The following STX8 variants were observed in gnomAD, a reference collection of about 807,000 sequenced individuals.
The protein encoded by STX8 is syntaxin 8, also known as syntaxin-8.
In STX8, 23 loss-of-function variants were observed where a neutral mutation model predicts 37.5. The observed-to-expected ratio is 0.61, with a 90% CI of 0.44 to 0.87. The LOEUF (loss-of-function observed/expected upper bound fraction) is 0.87, where lower values mean the gene tolerates loss of function less well. Ranked by LOEUF, STX8 falls within the 40% of genes least tolerant of loss-of-function variation. The probability of loss-of-function intolerance (pLI) is 0.00; values close to 1 mark genes in which losing one functional copy is unlikely to be tolerated. For synonymous variants in STX8, 115 were observed against 99.1 expected (o/e 1.16, Z -0.95); for missense variants, 313 against 284.7 (o/e 1.10, Z -0.71).
At chr17:9,446,496 G>A (rs1425405447) in intron 6 of STX8, among the ~76,000 whole-genome samples, 1 of 152,176 alleles carries the variant, frequency 6.6e-6, no homozygotes, top group Non-Finnish European at 1.5e-5. Flanking sequence ...AAGAAATTTA[G>A]CCCAGGGGAT....
chr17:9,360,066 C>T lies in STX8; in HGVS notation c.643+18486G>A, dbSNP rs529269404. Among the ~76,000 whole-genome samples, 3 of 151,962 alleles carry T rather than the reference C, an allele frequency of 2.0e-5. No individual in the cohort carries two copies. In the East Asian group the frequency reaches 5.8e-4, roughly 29 times the overall value. ...TGTTTCCTGAGCCTGACATACGGAACAGGATGGCACAATATTTTGAAGATG... is the reference window on the plus strand; with the variant it reads ...TGTTTCCTGAGCCTGACATACGGAATAGGATGGCACAATATTTTGAAGATG... On this transcript the variant is annotated intron_variant, in intron 7 of 7. Transcript: ENST00000306357.
intron 6 of STX8, among the ~76,000 whole-genome samples, chr17:9,433,164 A>T (rs561048322): frequency 6.6e-6 from 1 of 152,208 alleles, no homozygotes; most frequent in African/African-American, 2.4e-5. Context: ...TGCACTCCTA[A>T]GATTTATTCT....
intron 6 of STX8, among the ~76,000 whole-genome samples, chr17:9,460,687 AAC>A (rs1491067159): frequency 5.7e-5 from 8 of 140,822 alleles, no homozygotes; most frequent in Admixed American, 6.9e-5. Context: ...AAAAAAAAAA[AAC>A]AAAACAAAAC....
chr17:9,425,057 G>C (rs1024076962), intron 6 of STX8, among the ~76,000 whole-genome samples: 1 of 152,202 alleles, frequency 6.6e-6, no homozygotes, highest in African/African-American at 2.4e-5. Flanking sequence ...ACTGATGAAT[G>C]ACCAGGATTT....
intron 7 of STX8, among the ~76,000 whole-genome samples, chr17:9,288,538 T>C (rs1207040827): frequency 4.6e-5 from 7 of 152,036 alleles, no homozygotes; most frequent in Non-Finnish European, 1.0e-4. Flanking sequence ...GGCAGGCGCC[T>C]GTAGTCCCAG....
intron 6 of STX8, among the ~76,000 whole-genome samples, chr17:9,463,609 T>C (rs537335483): frequency 6.6e-6 from 1 of 152,108 alleles, no homozygotes; most frequent in East Asian, 1.9e-4. Flanking sequence ...CCGTCTCTAC[T>C]AAAAATACAA....
intron 3 of STX8, among the ~76,000 whole-genome samples, chr17:9,545,593 A>G (rs1478323783): frequency 1.3e-5 from 2 of 151,962 alleles, no homozygotes; most frequent in Non-Finnish European, 2.9e-5. Context: ...TTATTTACTT[A>G]TTTTTGAGAC....
chr17:9,424,219 C>G, intron 6 of STX8, among the ~76,000 whole-genome samples: 1 of 152,106 alleles, frequency 6.6e-6, no homozygotes. Context: ...AAGAGAATAA[C>G]AGCAGGGTGG....
intron 7 of STX8, among the ~76,000 whole-genome samples, chr17:9,311,785 G>C (rs771574781): frequency 2.0e-5 from 3 of 152,148 alleles, no homozygotes; most frequent in African/African-American, 7.2e-5. Context: ...ATACATCGAA[G>C]TACTTGAAAC....
At chr17:9,429,981 A>AATATATT (rs1164395192) in intron 6 of STX8, among the ~76,000 whole-genome samples, 8,642 of 8,862 alleles carry the variant, frequency 0.98, 4,220 homozygotes, top group Middle Eastern at 1. Context: ...TATTATATAG[A>AATATATT]ATATATTATA....
intron 6 of STX8, among the ~76,000 whole-genome samples, chr17:9,481,830 T>C (rs1166393957): frequency 1.3e-5 from 2 of 152,134 alleles, no homozygotes; most frequent in Admixed American, 1.3e-4. Context: ...GAACTGTGCA[T>C]GCGAGGGATC....
At chr17:9,481,515 T>C (rs1019725417) in intron 6 of STX8, among the ~76,000 whole-genome samples, 1 of 152,174 alleles carries the variant, frequency 6.6e-6, no homozygotes, top group Admixed American at 6.5e-5. Context: ...TGGAGGGCAT[T>C]GTTTCAATAG....
In STX8 at chr17:9,425,542, G is replaced by A. The variant is rs1161625024; in HGVS notation, c.542-46889C>T. 3.3e-5 allele frequency among the ~76,000 whole-genome samples: 5 copies of A among 152,268 alleles called. No homozygotes were observed. In the East Asian group the frequency reaches 9.6e-4, roughly 29 times the overall value. ...AATCGCTACCAGCTATTGAGCTACTGAGCACGACACGGACTTTAAATATTA... is the reference window on the plus strand; with the variant it reads ...AATCGCTACCAGCTATTGAGCTACTAAGCACGACACGGACTTTAAATATTA... On this transcript the variant is annotated intron_variant, in intron 6 of 7. Transcript: ENST00000306357.
intron 6 of STX8, among the ~76,000 whole-genome samples, chr17:9,466,094 C>T (rs1320823960): frequency 2.0e-5 from 3 of 152,098 alleles, no homozygotes; most frequent in Non-Finnish European, 2.9e-5. Flanking sequence ...CCTCAGCCTC[C>T]CGAGTAGCAG....
chr17:9,326,049 G>A (rs540074997), intron 7 of STX8, among the ~76,000 whole-genome samples: 382 of 152,272 alleles, frequency 2.5e-3, no homozygotes, highest in African/African-American at 7.8e-3. Flanking sequence ...CCAGCAGTGT[G>A]TCAATGAGAT....
rs866213417 is a variant in STX8 at position 9,252,458 on chromosome 17, T to A, written c.644-1813A>T. 1.8e-4 allele frequency among the ~76,000 whole-genome samples: 25 copies of A among 136,482 alleles called. No individual in the cohort carries two copies. The South Asian group carries it at 4.0e-3, about 22-fold the overall frequency. The allele number at this position is 136,482 out of a possible 152,430, so 89.5% of individuals were successfully genotyped here. ...GACTCTGTCTCAAAAAAAAAAAAAA[T>A]ATTAGCCAGGTGTGGTGGTGGGTGC... On this transcript the variant is annotated intron_variant, in intron 7 of 7. Coordinates refer to ENST00000306357, the MANE Select transcript of STX8 (RefSeq NM_004853.3).
intron 6 of STX8, among the ~76,000 whole-genome samples, chr17:9,468,758 C>A (rs2142433280): frequency 6.6e-6 from 1 of 152,266 alleles, no homozygotes; most frequent in Non-Finnish European, 1.5e-5. Flanking sequence ...AATGACTGAT[C>A]AAGGCTGGGG....
chr17:9,335,804 C>G (rs1910117282), intron 7 of STX8, among the ~76,000 whole-genome samples: 1 of 114,602 alleles, frequency 8.7e-6, no homozygotes. Flanking sequence ...AAGGTGGGCT[C>G]TCTCTCTCTC....
chr17:9,340,649 A>ATTTTTTTTTTTTTT (rs66679333), intron 7 of STX8, among the ~76,000 whole-genome samples: 3 of 62,112 alleles, frequency 4.8e-5, no homozygotes, highest in East Asian at 6.1e-4. Context: ...GTTGCACTTG[A>ATTTTTTTTTTTTTT]TTTTTTTTTT....
Sources: gnomAD v4.1 joint callset for allele counts (sites outside exome capture counted in the v4.1 genomes callset) on GRCh38, gnomAD v4.1.1 for gene constraint, MANE v1.5 for transcripts, NCBI Gene and HGNC (gene_info 2026-07-23, HGNC 2026-07-21) for gene names.